Variants in UVRAG observed in about 807,000 individuals in gnomAD.
UVRAG encodes UV radiation resistance associated.
UVRAG carries 19 observed loss-of-function variants against 78.0 expected under a neutral mutation model. The observed-to-expected ratio is 0.24, with a 90% CI of 0.17 to 0.36. The LOEUF is 0.36. UVRAG is among the 10% of genes least tolerant of loss of function. The pLI is 1.00. For synonymous variants in UVRAG, 323 were observed against 324.6 expected, an observed-to-expected ratio of 1.00 and a Z score of 0.05; for missense variants, 740 against 853.8, an observed-to-expected ratio of 0.87 and a Z score of 1.66.
At position 75,949,692 on chromosome 11, in the gene UVRAG, C is replaced by CATAT. The variant is rs35234096; in HGVS notation, c.594-11732_594-11729dup. ...AGTGTAATTTATATACAATAAAATA[C>CATAT]ATATATATATATATATATATATACA... On this transcript the variant is annotated intron_variant, in intron 6 of 14. Transcript: ENST00000356136. Among the ~76,000 whole-genome samples, 375 of 140,140 alleles carry CATAT rather than the reference C, an allele frequency of 2.7e-3. 1 individual carries two copies. Among genetic ancestry groups the CATAT allele is most frequent in the Middle Eastern group, 0.011 (3 of 264 alleles). 91.9% of individuals were successfully genotyped at this position (140,140 alleles called of 152,430 possible). A position where few individuals can be genotyped will look rare whatever the true frequency, so the allele number is the denominator to read the frequency against.
chr11:75,903,867 C>T (rs1475390072), intron 5 of UVRAG, among the ~76,000 whole-genome samples: 2 of 152,198 alleles, frequency 1.3e-5, no homozygotes, highest in Admixed American at 1.3e-4. Context: ...AGTTATCCTA[C>T]TAACTGCGTT....
intron 3 of UVRAG, among the ~76,000 whole-genome samples, chr11:75,864,060 CT>C (rs748128698): frequency 0.011 from 1,599 of 141,186 alleles, 6 homozygotes; most frequent in Non-Finnish European, 0.017. Context: ...GTTCTATTAA[CT>C]TTTTTTTTTT....
intron 13 of UVRAG, among the ~76,000 whole-genome samples, chr11:76,079,783 C>T (rs1951465207): frequency 6.6e-6 from 1 of 152,124 alleles, no homozygotes. Context: ...GGAACTCTAG[C>T]ATAAGGAAAT....
intron 7 of UVRAG, among the ~76,000 whole-genome samples, chr11:75,969,515 G>A (rs1451635318): frequency 2.6e-5 from 4 of 152,126 alleles, no homozygotes; most frequent in Admixed American, 2.6e-4. Context: ...AGAAAGTAGA[G>A]ACCATTTCTC....
chr11:75,828,717 A>G (rs1348675088), intron 1 of UVRAG, among the ~76,000 whole-genome samples: 2 of 130,462 alleles, frequency 1.5e-5, no homozygotes, highest in African/African-American at 7.1e-5. Flanking sequence ...ATATGTGTAT[A>G]TATATGTGTG....
At chr11:76,041,699 A>G (rs1392671754) in intron 12 of UVRAG, among the ~76,000 whole-genome samples, 1 of 152,234 alleles carries the variant, frequency 6.6e-6, no homozygotes, top group African/African-American at 2.4e-5. Flanking sequence ...CTGGATCCAT[A>G]TAGGCAGTCG....
intron 1 of UVRAG, 110 bp downstream of exon 1, chr11:75,815,634 G>A (rs538352786): frequency 3.2e-6 from 2 of 625,704 alleles, no homozygotes; most frequent in South Asian, 1.7e-4. Context: ...GCAGGGACCC[G>A]GAGGGCTCGC....
At chr11:76,077,051 GA>G (rs1277488023) in intron 13 of UVRAG, among the ~76,000 whole-genome samples, 1 of 149,422 alleles carries the variant, frequency 6.7e-6, no homozygotes, top group African/African-American at 2.4e-5. Context: ...AAGAATGAAT[GA>G]TGAATGAGTC....
chr11:76,018,563 C>G (rs982698619), intron 12 of UVRAG, among the ~76,000 whole-genome samples: 3 of 152,110 alleles, frequency 2.0e-5, no homozygotes, highest in South Asian at 4.1e-4. Flanking sequence ...CACGCACCAG[C>G]ACGCCCAGCT....
intron 6 of UVRAG, among the ~76,000 whole-genome samples, chr11:75,949,309 T>TC (rs1479341995): frequency 6.6e-6 from 1 of 152,042 alleles, no homozygotes; most frequent in African/African-American, 2.4e-5. Context: ...AGGACTTTTT[T>TC]CCCCCCTAAT....
intron 8 of UVRAG, among the ~76,000 whole-genome samples, chr11:76,003,463 T>C (rs997506503): frequency 1.6e-4 from 25 of 151,760 alleles, no homozygotes; most frequent in Admixed American, 7.9e-4. Context: ...TCAAGTGATC[T>C]GCCAGCCTTG....
chr11:76,120,450 A>C (rs531225775), intron 14 of UVRAG, among the ~76,000 whole-genome samples: 130 of 152,042 alleles, frequency 8.6e-4, no homozygotes, highest in Non-Finnish European at 1.6e-3. Flanking sequence ...ATTTCCAGCA[A>C]CTCTCAGTTC....
intron 12 of UVRAG, among the ~76,000 whole-genome samples, chr11:76,045,249 C>G (rs972386197): frequency 6.6e-6 from 1 of 152,280 alleles, no homozygotes; most frequent in Non-Finnish European, 1.5e-5. Flanking sequence ...GAAAACTGAT[C>G]CAAGAGAAGA....
intron 7 of UVRAG, among the ~76,000 whole-genome samples, chr11:75,974,601 C>T (rs1949196527): frequency 6.6e-6 from 1 of 151,862 alleles, no homozygotes; most frequent in South Asian, 2.1e-4. Flanking sequence ...CTCCTGACCT[C>T]ACGATCCACC....
At chr11:76,073,184 A>G (rs903252535) in intron 13 of UVRAG, among the ~76,000 whole-genome samples, 4 of 152,160 alleles carry the variant, frequency 2.6e-5, no homozygotes, top group Admixed American at 1.3e-4. Context: ...CACCTTCTTA[A>G]TATTCTGTGT....
chr11:76,112,727 T>A (rs1025545782), intron 13 of UVRAG, among the ~76,000 whole-genome samples: 1 of 144,512 alleles, frequency 6.9e-6, no homozygotes, highest in Non-Finnish European at 1.5e-5. Context: ...TCTTTTTTCT[T>A]TTCTTTTTTT....
rs1010472140 is a variant in UVRAG, at chr11:75,954,380, C to T, written c.594-7064C>T. 4.3e-4 allele frequency among the ~76,000 whole-genome samples: 65 copies of T among 152,124 alleles called. 1 individual carries two copies. Among genetic ancestry groups the T allele is most frequent in the African/African-American group, 1.4e-3 (58 of 41,418 alleles). On this transcript the variant is annotated intron_variant, in intron 6 of 14. Coordinates refer to ENST00000356136, the MANE Select transcript of UVRAG (RefSeq NM_003369.4). ...TGCATAGTACCAGTGAAGTTTTAGG[C>T]GGCCCTTTCCTACTTTTAAAGTAAC... is the stretch of plus-strand genomic sequence containing the variant.
chr11:75,969,777 T>C (rs1054779057), intron 7 of UVRAG, among the ~76,000 whole-genome samples: 2 of 152,180 alleles, frequency 1.3e-5, no homozygotes, highest in Non-Finnish European at 2.9e-5. Flanking sequence ...GTAAGTACTT[T>C]TAATACATTG....
At chr11:75,829,243 A>G (rs1945601817) in intron 1 of UVRAG, among the ~76,000 whole-genome samples, 1 of 152,170 alleles carries the variant, frequency 6.6e-6, no homozygotes, top group African/African-American at 2.4e-5. Context: ...ACCCAGCTAA[A>G]TTGCAGAATT....
Sources: gnomAD v4.1 joint callset for allele counts (sites outside exome capture counted in the v4.1 genomes callset) on GRCh38, gnomAD v4.1.1 for gene constraint, MANE v1.5 for transcripts, NCBI Gene and HGNC (gene_info 2026-07-23, HGNC 2026-07-21) for gene names.